XKR9: variants seen among roughly 807,000 people sequenced by gnomAD.
The protein encoded by XKR9 is XK related 9, also known as XK-related protein 9.
A neutral mutation model predicts 32.0 loss-of-function variants in XKR9; 32 were observed. The ratio of observed to expected loss-of-function variants is 1.00; its 90% confidence interval spans 0.76 to 1.34. The LOEUF is 1.34. Among genes scored for constraint, XKR9 ranks in the 40% most tolerant of loss-of-function variants. The probability of loss-of-function intolerance (pLI) is 0.00; values close to 1 mark genes in which losing one functional copy is unlikely to be tolerated. For missense variants in XKR9, 546 were observed against 429.7 expected (o/e 1.27, Z -2.39); for synonymous variants, 168 against 143.4 (o/e 1.17, Z -1.22).
chr8:70,767,391 G>T (rs891864429), intron 2 of XKR9, among the ~76,000 whole-genome samples: 11 of 151,778 alleles, frequency 7.2e-5, no homozygotes, highest in African/African-American at 2.7e-4. Context: ...TTGCGTAGAG[G>T]TGTTTATAGT....
chr8:70,887,853 A>G, the XKR9 span, among the ~76,000 whole-genome samples: 1 of 152,064 alleles, frequency 6.6e-6, no homozygotes, highest in African/African-American at 2.4e-5. Flanking sequence ...TTAATATATA[A>G]TCATGTCGTC....
chr8:70,746,016 A>C (rs543385590), intron 2 of XKR9, among the ~76,000 whole-genome samples: 24 of 152,292 alleles, frequency 1.6e-4, no homozygotes, highest in Non-Finnish European at 7.4e-5. Flanking sequence ...TTTCCCAAAG[A>C]GGCTATATTT....
chr8:70,909,962 C>T, the XKR9 span, among the ~76,000 whole-genome samples: 1 of 151,938 alleles, frequency 6.6e-6, no homozygotes, highest in African/African-American at 2.4e-5. Flanking sequence ...CCTGCCTTGG[C>T]CTCCCAAAGT....
At chr8:70,860,154 A>G in the XKR9 span, among the ~76,000 whole-genome samples, 1 of 152,150 alleles carries the variant, frequency 6.6e-6, no homozygotes, top group Non-Finnish European at 1.5e-5. Context: ...ACAAACCCCT[A>G]TCATCTGAAT....
the XKR9 span, among the ~76,000 whole-genome samples, chr8:70,850,087 G>C: frequency 6.6e-6 from 1 of 151,916 alleles, no homozygotes; most frequent in Admixed American, 6.6e-5. Context: ...CCAAGCAATA[G>C]AAAAAGAGGG....
chr8:70,905,800 G>T, the XKR9 span, among the ~76,000 whole-genome samples: 1 of 152,132 alleles, frequency 6.6e-6, no homozygotes, highest in Non-Finnish European at 1.5e-5. Context: ...GCACGGATGG[G>T]GTTTTGGTGT....
At chr8:70,749,962 G>T (rs543392513) in intron 2 of XKR9, among the ~76,000 whole-genome samples, 1 of 152,268 alleles carries the variant, frequency 6.6e-6, no homozygotes, top group African/African-American at 2.4e-5. Flanking sequence ...CAGGAATAAG[G>T]CTTAAATTGC....
chr8:70,858,831 T>A, the XKR9 span, among the ~76,000 whole-genome samples: 1 of 152,050 alleles, frequency 6.6e-6, no homozygotes, highest in Non-Finnish European at 1.5e-5. Flanking sequence ...TGGACCCCTA[T>A]TCCTCACCAT....
At chr8:70,788,642 T>G (rs1807723296) in intron 2 of XKR9, among the ~76,000 whole-genome samples, 1 of 152,098 alleles carries the variant, frequency 6.6e-6, no homozygotes, top group Non-Finnish European at 1.5e-5. Context: ...AAGTTAGATA[T>G]CTATGATTTA....
the XKR9 span, among the ~76,000 whole-genome samples, chr8:71,027,856 C>T: frequency 6.6e-6 from 1 of 151,494 alleles, no homozygotes; most frequent in African/African-American, 2.4e-5. Context: ...GCAGCCACAA[C>T]CTTCCCCTGG....
intron 2 of XKR9, among the ~76,000 whole-genome samples, chr8:70,751,858 G>A (rs1355706472): frequency 1.3e-5 from 2 of 152,164 alleles, no homozygotes; most frequent in Non-Finnish European, 2.9e-5. Context: ...CATGCCACCA[G>A]CTTCCTTGGT....
At chr8:70,725,540 G>A (rs1806435246) in intron 4 of XKR9, among the ~76,000 whole-genome samples, 1 of 152,102 alleles carries the variant, frequency 6.6e-6, no homozygotes, top group African/African-American at 2.4e-5. Flanking sequence ...TGTAGAGCAA[G>A]GTACTGCCAT....
the XKR9 span, among the ~76,000 whole-genome samples, chr8:70,903,283 GT>G: frequency 6.6e-6 from 1 of 151,990 alleles, no homozygotes; most frequent in South Asian, 2.1e-4. Context: ...ACTTTTTTTG[GT>G]TGGTAGGCTA....
the XKR9 span, among the ~76,000 whole-genome samples, chr8:70,870,639 C>G: frequency 6.6e-6 from 1 of 152,148 alleles, no homozygotes; most frequent in African/African-American, 2.4e-5. Context: ...TCAGTTTACT[C>G]ACTTGGAAAA....
At chr8:70,779,563 G>A (rs904633356) in intron 2 of XKR9, among the ~76,000 whole-genome samples, 6 of 152,070 alleles carry the variant, frequency 3.9e-5, no homozygotes, top group East Asian at 3.8e-4. Context: ...GGTAGAATTC[G>A]GCTGTGAATC....
chr8:70,876,218 CTTTTTTTTTTTTT>C, the XKR9 span, among the ~76,000 whole-genome samples: 1 of 101,484 alleles, frequency 9.9e-6, no homozygotes, highest in South Asian at 4.0e-4. Context: ...AAGATTCGTT[CTTTTTTTTTTTTT>C]TTTTTTTTGA....
chr8:70,760,131 A>G (rs7009297), intron 2 of XKR9, among the ~76,000 whole-genome samples: 61,295 of 152,072 alleles, frequency 0.4, 13,894 homozygotes, highest in Non-Finnish European at 0.52. Context: ...CGTATCTTCA[A>G]CAGTCATCAT....
Position 70,776,947 on chromosome 8 carries a change from C to CTCTCTA in XKR9, n.353-12391_353-12390insCTCTAT. Among the ~76,000 whole-genome samples the CTCTCTA allele has an allele frequency of 3.0e-3, 165 of 54,214 alleles. 2 individuals carry two copies. Among genetic ancestry groups the CTCTCTA allele is most frequent in the African/African-American group, 0.012 (154 of 12,610 alleles). 35.6% of individuals were successfully genotyped at this position (54,214 alleles called of 152,430 possible). On this transcript the variant is annotated intron_variant and non_coding_transcript_variant, in intron 2 of 3. Coordinates refer to the XKR9 transcript ENST00000520273. ...TTTCTCTCTCTCTCTCTCTCTCTCT[C>CTCTCTA]TATATATATATATATATGTATGTAT...
chr8:70,742,263 T>C (rs1229184473), intron 2 of XKR9, among the ~76,000 whole-genome samples: 1 of 152,226 alleles, frequency 6.6e-6, no homozygotes, highest in East Asian at 1.9e-4. Flanking sequence ...TTAAGCAGTG[T>C]GAACCATTTA....
Sources: allele counts gnomAD v4.1 joint callset (sites outside exome capture counted in the v4.1 genomes callset), GRCh38; gene constraint gnomAD v4.1.1; transcripts MANE v1.5; gene names NCBI Gene and HGNC (gene_info 2026-07-23, HGNC 2026-07-21).